Variants in DRC11 observed in about 807,000 individuals in gnomAD.
DRC11 encodes the protein IQ and AAA domain-containing protein 1.
At chr2:236,415,703 A>G in the DRC11 span, among the ~76,000 whole-genome samples, 1 of 152,188 alleles carries the variant, frequency 6.6e-6, no homozygotes, top group Admixed American at 6.5e-5. The surrounding 1 kb of genome is among the most constrained non-coding windows in gnomAD (Gnocchi z 5.7). Context: ...CTTTTTGTTC[A>G]AAACTGTTCA....
the DRC11 span, among the ~76,000 whole-genome samples, chr2:236,356,246 T>TC: frequency 1.8e-4 from 28 of 152,274 alleles, 1 homozygote; most frequent in African/African-American, 6.7e-4. Context: ...CCAGCCTCCT[T>TC]CCCTGCGCCC....
the DRC11 span, among the ~76,000 whole-genome samples, chr2:236,357,890 G>A: frequency 9.1e-4 from 74 of 81,582 alleles, no homozygotes; most frequent in Admixed American, 1.4e-3. Flanking sequence ...CTATATAAAT[G>A]TATTTATAAT....
the DRC11 span, among the ~76,000 whole-genome samples, chr2:236,471,763 G>T: frequency 6.6e-6 from 1 of 152,170 alleles, no homozygotes; most frequent in African/African-American, 2.4e-5. The surrounding 1 kb of genome is among the most constrained non-coding windows in gnomAD (Gnocchi z 4.6). Context: ...CACACAGCTA[G>T]AAAACAGTCG....
chr2:236,460,393 C>T, the DRC11 span, among the ~76,000 whole-genome samples: 1,740 of 152,280 alleles, frequency 0.011, 10 homozygotes, highest in Non-Finnish European at 0.016. The surrounding 1 kb of genome is among the most constrained non-coding windows in gnomAD (Gnocchi z 4.0). Context: ...TCCTGTCTCC[C>T]ATGACCCTGC....
chr2:236,464,514 TG>T, the DRC11 span, among the ~76,000 whole-genome samples: 28,408 of 152,212 alleles, frequency 0.19, 2,947 homozygotes, highest in Middle Eastern at 0.27. Flanking sequence ...AATTCTCTGA[TG>T]AATACCTTTT....
chr2:236,451,818 T>C, the DRC11 span, among the ~76,000 whole-genome samples: 1 of 152,212 alleles, frequency 6.6e-6, no homozygotes, highest in African/African-American at 2.4e-5. Flanking sequence ...ATTGATTAGT[T>C]AGCTGTGCGA....
chr2:236,338,538 G>A, the DRC11 span, among the ~76,000 whole-genome samples: 1 of 152,170 alleles, frequency 6.6e-6, no homozygotes, highest in Non-Finnish European at 1.5e-5. Flanking sequence ...GATGGGTCTC[G>A]GAATGTGCTT....
the DRC11 span, among the ~76,000 whole-genome samples, chr2:236,382,739 T>C: frequency 5.9e-5 from 9 of 152,218 alleles, no homozygotes; most frequent in African/African-American, 2.2e-4. Flanking sequence ...TGTCTATGTA[T>C]TCATTGATGA....
the DRC11 span, chr2:236,488,195 CA>C: frequency 6.4e-7 from 1 of 1,561,802 alleles, no homozygotes. Context: ...GGTATTTCTG[CA>C]AAAAACAGTC....
At chr2:236,452,911 G>A in the DRC11 span, among the ~76,000 whole-genome samples, 2 of 152,096 alleles carry the variant, frequency 1.3e-5, no homozygotes, top group African/African-American at 4.8e-5. The surrounding 1 kb of genome is among the most constrained non-coding windows in gnomAD (Gnocchi z 4.7). Flanking sequence ...TTCGGTTCTG[G>A]TTACTCTTCT....
At chr2:236,404,293 ATTGGGAGTCG>A in the DRC11 span, among the ~76,000 whole-genome samples, 22 of 152,142 alleles carry the variant, frequency 1.4e-4, no homozygotes, top group African/African-American at 4.6e-4. Context: ...GTGTGTGGAT[ATTGGGAGTCG>A]TTTTTTCCTA....
chr2:236,314,990 A>T, the DRC11 span, among the ~76,000 whole-genome samples: 2 of 152,180 alleles, frequency 1.3e-5, no homozygotes, highest in African/African-American at 4.8e-5. This position sits in a 1 kb window ranked among gnomAD's most constrained non-coding sequence, Gnocchi z 4.5. Context: ...TATCTAAGAC[A>T]CTTTGGAGAA....
the DRC11 span, among the ~76,000 whole-genome samples, chr2:236,348,652 G>A: frequency 1.7e-3 from 256 of 152,284 alleles, no homozygotes; most frequent in Non-Finnish European, 2.7e-3. This position sits in a 1 kb window ranked among gnomAD's most constrained non-coding sequence, Gnocchi z 7.4. Flanking sequence ...TGGAAAGTAC[G>A]ACCTCCGGGT....
At chr2:236,459,629 G>GTATATACGTATATATATACA in the DRC11 span, among the ~76,000 whole-genome samples, 25 of 91,968 alleles carry the variant, frequency 2.7e-4, no homozygotes, top group Non-Finnish European at 5.5e-4. Flanking sequence ...ATATACATAC[G>GTATATACGTATATATATACA]TATATACGTA....
the DRC11 span, chr2:236,399,520 A>C: frequency 7.0e-6 from 11 of 1,570,482 alleles, no homozygotes; most frequent in Non-Finnish European, 9.6e-6. This position sits in a 1 kb window ranked among gnomAD's most constrained non-coding sequence, Gnocchi z 7.0. Flanking sequence ...CGTTAATCTC[A>C]GGCAAGACCG....
the DRC11 span, among the ~76,000 whole-genome samples, chr2:236,459,495 A>ATATATGTATACGTATACGTATACATG: frequency 3.2e-5 from 4 of 126,104 alleles, no homozygotes; most frequent in East Asian, 1.1e-3. Flanking sequence ...ATGTATACGT[A>ATATATGTATACGTATACGTATACATG]TATATGTATA....
the DRC11 span, among the ~76,000 whole-genome samples, chr2:236,361,255 A>C: frequency 6.6e-6 from 1 of 152,122 alleles, no homozygotes; most frequent in African/African-American, 2.4e-5. This position sits in a 1 kb window ranked among gnomAD's most constrained non-coding sequence, Gnocchi z 5.7. Context: ...ATAAAAAATA[A>C]GAAGATCAGA....
chr2:236,320,350 G>A, the DRC11 span, among the ~76,000 whole-genome samples: 23 of 152,146 alleles, frequency 1.5e-4, no homozygotes, highest in South Asian at 2.1e-4. Flanking sequence ...CACTTATGCC[G>A]GTGGCTTGGG....
At chr2:236,408,836 T>G in the DRC11 span, 3 of 658,342 alleles carry the variant, frequency 4.6e-6, no homozygotes, top group Non-Finnish European at 8.4e-6. This position sits in a 1 kb window ranked among gnomAD's most constrained non-coding sequence, Gnocchi z 5.5. Context: ...ACCATGGCAG[T>G]GTCTCCACAA....
Sources: allele counts gnomAD v4.1 joint callset (sites outside exome capture counted in the v4.1 genomes callset), GRCh38; gene constraint gnomAD v4.1.1; non-coding constraint Gnocchi (gnomAD v3.1); transcripts MANE v1.5; gene names NCBI Gene and HGNC (gene_info 2026-07-23, HGNC 2026-07-21).